The following PRKAR1A variants were observed in gnomAD, a reference collection of about 807,000 sequenced individuals.
The protein encoded by PRKAR1A is protein kinase cAMP-dependent type I regulatory subunit alpha, also known as cAMP-dependent protein kinase type I-alpha regulatory subunit.
Under a neutral mutation model 52.0 loss-of-function variants are expected in PRKAR1A, and 3 were observed. The ratio of observed to expected loss-of-function variants is 0.06; its 90% confidence interval spans 0.03 to 0.15. The LOEUF is 0.15. PRKAR1A is among the 10% of genes least tolerant of loss of function. PRKAR1A has a pLI of 1.00. For missense variants in PRKAR1A, 240 were observed against 477.4 expected, an observed-to-expected ratio of 0.50 and a Z score of 4.63; for synonymous variants, 188 against 168.4, an observed-to-expected ratio of 1.12 and a Z score of -0.90.
chr17:68,496,128 G>A, the PRKAR1A span, among the ~76,000 whole-genome samples: 17 of 132,530 alleles, frequency 1.3e-4, no homozygotes, highest in African/African-American at 3.5e-4. Flanking sequence ...TGCAACCTCC[G>A]CCTCCCGGGG....
intron 11 of PRKAR1A, chr17:68,543,715 C>A: frequency 6.2e-7 from 1 of 1,614,008 alleles, no homozygotes; most frequent in South Asian, 1.1e-5. Context: ...CCTCATCTCG[C>A]TGCTGTCTGG....
chr17:68,457,274 A>G, the PRKAR1A span: 20 of 1,518,122 alleles, frequency 1.3e-5, no homozygotes, highest in Admixed American at 2.0e-5. Context: ...AGCTGCTCTC[A>G]GGACGACACC....
At chr17:68,452,114 C>T in the PRKAR1A span, among the ~76,000 whole-genome samples, 1 of 152,210 alleles carries the variant, frequency 6.6e-6, no homozygotes, top group Non-Finnish European at 1.5e-5. Context: ...ATAAGGAAGT[C>T]ACATTTCTAG....
the PRKAR1A span, chr17:68,457,646 C>A: frequency 2.7e-4 from 84 of 316,006 alleles, 1 homozygote; most frequent in South Asian, 1.3e-3. Flanking sequence ...CAGCTGGTCC[C>A]GAGGACCAGA....
chr17:68,431,870 A>C, the PRKAR1A span, among the ~76,000 whole-genome samples: 1 of 80,378 alleles, frequency 1.2e-5, no homozygotes, highest in Non-Finnish European at 2.6e-5. Flanking sequence ...TCAATCTCTG[A>C]TAATAATCCC....
At chr17:68,489,185 A>AGT in the PRKAR1A span, among the ~76,000 whole-genome samples, 2 of 30,602 alleles carry the variant, frequency 6.5e-5, no homozygotes, top group East Asian at 9.1e-4. Flanking sequence ...CATCTTGGAA[A>AGT]GTATATATAT....
At chr17:68,535,124 A>G (rs1457202943), downstream of PRKAR1A, 1 of 369,280 alleles carries the variant, frequency 2.7e-6, no homozygotes, top group Non-Finnish European at 5.3e-6. Flanking sequence ...TCTCAGAGTC[A>G]AGAGACTTTT....
chr17:68,465,167 C>T, the PRKAR1A span, among the ~76,000 whole-genome samples: 4 of 151,956 alleles, frequency 2.6e-5, no homozygotes, highest in African/African-American at 4.8e-5. Flanking sequence ...CACCTGACCT[C>T]GTGATCTGCC....
At chr17:68,499,443 G>A in the PRKAR1A span, among the ~76,000 whole-genome samples, 1 of 150,686 alleles carries the variant, frequency 6.6e-6, no homozygotes, top group Admixed American at 6.7e-5. Context: ...TCAGCAACAA[G>A]GGATGAGAAA....
chr17:68,438,571 G>A, the PRKAR1A span, among the ~76,000 whole-genome samples: 1 of 152,202 alleles, frequency 6.6e-6, no homozygotes, highest in African/African-American at 2.4e-5. Flanking sequence ...CAAATGCAGT[G>A]TGTAACTGCT....
chr17:68,503,807 A>G, the PRKAR1A span, among the ~76,000 whole-genome samples: 1 of 152,238 alleles, frequency 6.6e-6, no homozygotes, highest in African/African-American at 2.4e-5. Flanking sequence ...ATCACTGATC[A>G]TCAGAGAAAC....
chr17:68,498,080 G>T, the PRKAR1A span, among the ~76,000 whole-genome samples: 2 of 151,790 alleles, frequency 1.3e-5, no homozygotes, highest in African/African-American at 4.8e-5. Flanking sequence ...GGAAGTAAAG[G>T]GGGGGTTAAG....
At chr17:68,437,949 A>AAAAC in the PRKAR1A span, among the ~76,000 whole-genome samples, 1 of 37,762 alleles carries the variant, frequency 2.6e-5, no homozygotes, top group Non-Finnish European at 4.9e-5. Context: ...CATCTCTCTT[A>AAAAC]AAAAAAAAAA....
chr17:68,517,719 C>T (rs754670070), intron 2 of PRKAR1A, among the ~76,000 whole-genome samples: 6 of 152,192 alleles, frequency 3.9e-5, no homozygotes, highest in Non-Finnish European at 8.8e-5. Context: ...CCACCTCTGG[C>T]CCCTCCCAGA....
the PRKAR1A span, chr17:68,427,462 T>G: frequency 1.4e-5 from 5 of 367,478 alleles, no homozygotes; most frequent in Non-Finnish European, 2.5e-5. Flanking sequence ...GTTCAAGCGA[T>G]TCTCCTGCCT....
intron 2 of PRKAR1A, among the ~76,000 whole-genome samples, chr17:68,516,234 T>C (rs2085429756): frequency 6.6e-6 from 1 of 152,190 alleles, no homozygotes. Flanking sequence ...CCTACGTATA[T>C]GGCATATGTT....
At chr17:68,437,051 T>C in the PRKAR1A span, among the ~76,000 whole-genome samples, 1 of 151,214 alleles carries the variant, frequency 6.6e-6, no homozygotes, top group Admixed American at 6.6e-5. Flanking sequence ...TATTGCTCAT[T>C]TTTACATTTT....
the PRKAR1A span, chr17:68,422,731 C>CAAAAAAAAA: frequency 1.5e-5 from 1 of 66,432 alleles, no homozygotes; most frequent in Admixed American, 2.1e-4. Context: ...TCTATCATCT[C>CAAAAAAAAA]AAAAAAAAAA....
the PRKAR1A span, chr17:68,448,492 G>A: frequency 1.3e-5 from 2 of 152,158 alleles, no homozygotes; most frequent in Admixed American, 6.5e-5. Flanking sequence ...TCTTTAGAAG[G>A]TGGGGGAGGA....
Sources: allele counts gnomAD v4.1 joint callset (sites outside exome capture counted in the v4.1 genomes callset), GRCh38; gene constraint gnomAD v4.1.1; transcripts MANE v1.5; gene names NCBI Gene and HGNC (gene_info 2026-07-23, HGNC 2026-07-21).